The following ADAMTS12 variants were observed in gnomAD, a reference collection of about 807,000 sequenced individuals.
ADAMTS12 encodes A disintegrin and metalloproteinase with thrombospondin motifs 12.
ADAMTS12 carries 118 observed loss-of-function variants against 167.8 expected under a neutral mutation model. The ratio of observed to expected loss-of-function variants is 0.70; its 90% CI spans 0.61 to 0.82. The LOEUF (loss-of-function observed/expected upper bound fraction) is 0.82. Among genes scored for constraint, ADAMTS12 ranks in the 40% least tolerant of loss-of-function variants. The pLI is 0.00. For missense variants in ADAMTS12, 1,916 were observed against 1,998.8 expected (o/e 0.96, Z 0.79); for synonymous variants, 704 against 716.9 (o/e 0.98, Z 0.29).
chr5:33,689,031 C>G (rs1742454698), intron 3 of ADAMTS12, among the ~76,000 whole-genome samples: 1 of 152,156 alleles, frequency 6.6e-6, no homozygotes, highest in Non-Finnish European at 1.5e-5. Flanking sequence ...CTAACTGTCC[C>G]ACCTTTCTGT....
chr5:33,545,901 A>G (rs1744954840), intron 22 of ADAMTS12, among the ~76,000 whole-genome samples, 158 bp downstream of exon 22: 1 of 151,880 alleles, frequency 6.6e-6, no homozygotes, highest in South Asian at 2.1e-4. Context: ...TAGGAGAAAT[A>G]CCTAATGTAA....
At chr5:33,886,462 A>G (rs1033862250) in intron 1 of ADAMTS12, among the ~76,000 whole-genome samples, 57 of 152,244 alleles carry the variant, frequency 3.7e-4, no homozygotes, top group African/African-American at 1.3e-3. Context: ...CATTCCTTGG[A>G]TTGAAACGCT....
chr5:33,756,760 C>T (rs16891674), intron 2 of ADAMTS12, among the ~76,000 whole-genome samples: 3,208 of 152,242 alleles, frequency 0.021, 116 homozygotes, highest in African/African-American at 0.075. Context: ...GCCAGGAAGA[C>T]ATTGGTGTAT....
intron 3 of ADAMTS12, among the ~76,000 whole-genome samples, chr5:33,696,267 A>G (rs944544007): frequency 7.3e-5 from 11 of 151,468 alleles, no homozygotes; most frequent in African/African-American, 2.7e-4. Context: ...TAAAAATACA[A>G]AAAATTAGCC....
chr5:33,870,516 C>T (rs565002598), intron 2 of ADAMTS12, among the ~76,000 whole-genome samples: 1 of 152,136 alleles, frequency 6.6e-6, no homozygotes, highest in Non-Finnish European at 1.5e-5. Context: ...CAACAGTGTA[C>T]AGTGTACTTT....
At chr5:33,726,902 C>T (rs939727639) in intron 3 of ADAMTS12, among the ~76,000 whole-genome samples, 1 of 150,936 alleles carries the variant, frequency 6.6e-6, no homozygotes, top group Middle Eastern at 3.4e-3. Flanking sequence ...TCCTTTTGGA[C>T]GGCCAGATCC....
At chr5:33,581,954 C>A (rs1747085306) in intron 18 of ADAMTS12, among the ~76,000 whole-genome samples, 1 of 152,058 alleles carries the variant, frequency 6.6e-6, no homozygotes, top group Admixed American at 6.5e-5. Flanking sequence ...CGTCAAACCA[C>A]CAGAAGCTGG....
intron 3 of ADAMTS12, among the ~76,000 whole-genome samples, chr5:33,686,483 C>T (rs1429779684): frequency 6.6e-6 from 1 of 152,110 alleles, no homozygotes; most frequent in Admixed American, 6.5e-5. Flanking sequence ...TTACTCTCCC[C>T]TTTTTCTACC....
At chr5:33,670,938 A>G (rs553154608) in intron 5 of ADAMTS12, among the ~76,000 whole-genome samples, 2 of 152,212 alleles carry the variant, frequency 1.3e-5, no homozygotes, top group Non-Finnish European at 2.9e-5. Flanking sequence ...GTGGGTGAAT[A>G]GTTAAACAAA....
intron 22 of ADAMTS12, among the ~76,000 whole-genome samples, chr5:33,540,355 T>G (rs1342599236): frequency 6.6e-6 from 1 of 152,264 alleles, no homozygotes; most frequent in Non-Finnish European, 1.5e-5. Flanking sequence ...CTACTGCCTC[T>G]GTAGACTCCA....
chr5:33,888,254 T>G (rs1750709676), intron 1 of ADAMTS12: 2 of 152,236 alleles, frequency 1.3e-5, no homozygotes, highest in Admixed American at 1.3e-4. Flanking sequence ...GAAATTCCTG[T>G]AATAGAGGTT....
intron 3 of ADAMTS12, among the ~76,000 whole-genome samples, chr5:33,744,612 C>T (rs1026203047): frequency 7.2e-5 from 11 of 152,036 alleles, no homozygotes; most frequent in Non-Finnish European, 1.0e-4. Flanking sequence ...AAGTGAGAGG[C>T]GACAGATGCT....
At chr5:33,780,912 T>C (rs1746103297) in intron 2 of ADAMTS12, among the ~76,000 whole-genome samples, 1 of 152,160 alleles carries the variant, frequency 6.6e-6, no homozygotes, top group African/African-American at 2.4e-5. Flanking sequence ...CATCAGGGAA[T>C]CTCAGTGGTG....
At chr5:33,574,152 C>T (rs1056078574) in intron 19 of ADAMTS12, among the ~76,000 whole-genome samples, 3 of 151,528 alleles carry the variant, frequency 2.0e-5, no homozygotes, top group Admixed American at 2.0e-4. Context: ...GTTGGTGGGA[C>T]TGTAAACTAG....
At chr5:33,862,812 A>T (rs1336706345) in intron 2 of ADAMTS12, among the ~76,000 whole-genome samples, 4 of 152,200 alleles carry the variant, frequency 2.6e-5, no homozygotes, top group Non-Finnish European at 5.9e-5. Flanking sequence ...CTGGAAAACC[A>T]AATCCAGAAG....
At chr5:33,740,948 A>C (rs1246194722) in intron 3 of ADAMTS12, among the ~76,000 whole-genome samples, 1 of 152,184 alleles carries the variant, frequency 6.6e-6, no homozygotes, top group East Asian at 1.9e-4. Flanking sequence ...CGGACATTCA[A>C]ATATTAAAAA....
At chr5:33,783,566 A>T (rs942521517) in intron 2 of ADAMTS12, among the ~76,000 whole-genome samples, 40 of 152,042 alleles carry the variant, frequency 2.6e-4, no homozygotes, top group African/African-American at 9.6e-4. Context: ...CCCCGCAGAA[A>T]TTAAAAGAAT....
At chr5:33,839,253 T>C (rs1748650436) in intron 2 of ADAMTS12, among the ~76,000 whole-genome samples, 2 of 152,030 alleles carry the variant, frequency 1.3e-5, no homozygotes, top group Admixed American at 1.3e-4. Context: ...ATATCTATGT[T>C]ATAAGATTCT....
At chr5:33,823,007 T>A (rs1397961589) in intron 2 of ADAMTS12, among the ~76,000 whole-genome samples, 1 of 151,426 alleles carries the variant, frequency 6.6e-6, no homozygotes, top group Non-Finnish European at 1.5e-5. Flanking sequence ...GGGAGGATCC[T>A]TGGAGCCCGG....
Sources: allele counts gnomAD v4.1 joint callset (sites outside exome capture counted in the v4.1 genomes callset), GRCh38; gene constraint gnomAD v4.1.1; transcripts MANE v1.5; gene names NCBI Gene and HGNC (gene_info 2026-07-23, HGNC 2026-07-21).